Variants in PBRM1 observed in about 807,000 individuals in gnomAD.
PBRM1 encodes the protein protein polybromo-1.
A neutral mutation model predicts 194.5 loss-of-function variants in PBRM1; 27 were observed. That is an observed-to-expected ratio of 0.14 (90% CI 0.10 to 0.19). The LOEUF is 0.19. PBRM1 is among the 10% of genes least tolerant of loss of function. PBRM1 has a pLI of 1.00. For synonymous variants in PBRM1, 655 were observed against 693.2 expected (o/e 0.94, Z 0.87); for missense variants, 1,466 against 2,077.2 (o/e 0.71, Z 5.72).
At chr3:52,681,756 C>CAAGTG, upstream of PBRM1, 1 of 1,016,010 alleles carries the variant, frequency 9.8e-7, no homozygotes, top group Non-Finnish European at 1.2e-6. Flanking sequence ...GTCTGAAAGC[C>CAAGTG]AAGTGAAGCC....
chr3:52,576,750 ATTAATCT>A, intron 21 of PBRM1, 52 bp from the exon 24 acceptor site: 3 of 1,420,468 alleles, frequency 2.1e-6, no homozygotes, highest in Non-Finnish European at 2.9e-6. Context: ...TTCTTGAAGG[ATTAATCT>A]AACAAAAATC....
chr3:52,608,632 CT>C (rs35189714), intron 16 of PBRM1, among the ~76,000 whole-genome samples: 291 of 147,166 alleles, frequency 2.0e-3, no homozygotes, highest in African/African-American at 4.8e-3. Context: ...AGGTTTGTAT[CT>C]TTTTTTTTTT....
chr3:52,626,485 T>C (rs548678591), intron 13 of PBRM1, among the ~76,000 whole-genome samples: 1 of 152,334 alleles, frequency 6.6e-6, no homozygotes, highest in South Asian at 2.1e-4. Flanking sequence ...TTGCTATTAG[T>C]GATTAGCTTA....
chr3:52,623,960 T>G (rs569388229), intron 13 of PBRM1, among the ~76,000 whole-genome samples: 12 of 152,348 alleles, frequency 7.9e-5, no homozygotes, highest in African/African-American at 2.9e-4. Flanking sequence ...AAAACTTTTC[T>G]TTAGGAAAAT....
chr3:52,619,535 T>C, intron 13 of PBRM1, among the ~76,000 whole-genome samples: 1 of 152,248 alleles, frequency 6.6e-6, no homozygotes. Flanking sequence ...GTTGAATCCC[T>C]GGATGTGGAA....
intron 1 of PBRM1, 83 bp downstream of exon 2, chr3:52,679,491 C>T: frequency 7.9e-7 from 1 of 1,268,410 alleles, no homozygotes; most frequent in Non-Finnish European, 1.1e-6. Flanking sequence ...AGATGCCTTG[C>T]ATCGTAACAA....
intron 6 of PBRM1, among the ~76,000 whole-genome samples, chr3:52,650,174 C>T (rs1489884751): frequency 1.3e-5 from 2 of 151,742 alleles, no homozygotes; most frequent in African/African-American, 2.4e-5. Flanking sequence ...ATCAGCCTGG[C>T]CAACATGGTG....
exon 20 of PBRM1, chr3:52,586,457 T>G: frequency 6.2e-7 from 1 of 1,613,864 alleles, no homozygotes; most frequent in Non-Finnish European, 8.5e-7. Flanking sequence ...TCAGCTCGAC[T>G]GTCCTCTGAG....
intron 17 of PBRM1, among the ~76,000 whole-genome samples, chr3:52,600,314 G>GA (rs1387016953): frequency 6.6e-6 from 1 of 152,112 alleles, no homozygotes; most frequent in African/African-American, 2.4e-5. Context: ...GAAAATTTGA[G>GA]AATCTGGTCA....
At position 52,609,501 on chromosome 3, in the gene PBRM1, C is replaced by T. The variant is rs753977692; in HGVS notation, c.2379G>A (p.Gln793=). Residue 793 remains glutamine, a synonymous_variant, in exon 16 of 30, where the codon CAG becomes CAA. Coordinates refer to ENST00000296302, the Ensembl canonical transcript of PBRM1. This position sits in a 1 kb window ranked among gnomAD's most constrained non-coding sequence, Gnocchi z 4.1. Reference sequence around the variant, plus strand: ...CGCTGTAGCATCTTCCCTCATCATCCTGATGACTCATGACTGACACAAAAA... The same window carrying T: ...CGCTGTAGCATCTTCCCTCATCATCTTGATGACTCATGACTGACACAAAAA... 2 of 1,613,328 alleles carry T rather than the reference C, an allele frequency of 1.2e-6. No homozygotes were observed. The highest frequency in any genetic ancestry group is 2.2e-5 in the South Asian group (2 of 91,062).
rs1019237005 is a variant in PBRM1, at chr3:52,676,114, C to CAAAAA, written c.236+2381_236+2385dup. On this transcript the variant is annotated intron_variant, in intron 2 of 29. Coordinates refer to ENST00000296302, the Ensembl canonical transcript of PBRM1. ...TGGGCGACAGAGCGAGACTCCGTCT[C>CAAAAA]AAAAAAAAAAAAAAAAAAAAAAAAA... Among the ~76,000 whole-genome samples, 6 of 5,114 alleles carry CAAAAA rather than the reference C, an allele frequency of 1.2e-3. 1 individual carries two copies. The highest frequency in any genetic ancestry group is 4.6e-3 in the African/African-American group (2 of 432). 3.4% of individuals were successfully genotyped at this position (5,114 alleles called of 152,430 possible).
At chr3:52,611,553 T>C (rs1259030119) in intron 15 of PBRM1, among the ~76,000 whole-genome samples, 1 of 152,054 alleles carries the variant, frequency 6.6e-6, no homozygotes, top group Non-Finnish European at 1.5e-5. Flanking sequence ...CCTGCAATAC[T>C]AGTACTATGG....
intron 16 of PBRM1, among the ~76,000 whole-genome samples, chr3:52,605,447 AGAG>A (rs1207943247): frequency 6.6e-6 from 1 of 152,228 alleles, no homozygotes; most frequent in African/African-American, 2.4e-5. Flanking sequence ...CATTCTGGTC[AGAG>A]GAGTGTGGCC....
At chr3:52,626,667 A>G (rs1358528225) in intron 13 of PBRM1, among the ~76,000 whole-genome samples, 1 of 152,188 alleles carries the variant, frequency 6.6e-6, no homozygotes, top group Non-Finnish European at 1.5e-5. Context: ...ATCTCACAGT[A>G]AGATCCCCTT....
chr3:52,627,036 A>G (rs1459478265), intron 13 of PBRM1, among the ~76,000 whole-genome samples: 1 of 151,896 alleles, frequency 6.6e-6, no homozygotes, highest in African/African-American at 2.4e-5. Context: ...ACGGAATAAC[A>G]TGTTTTGCCA....
At chr3:52,679,885 ACTTC>A (rs2097174054), upstream of PBRM1, among the ~76,000 whole-genome samples, 1 of 149,970 alleles carries the variant, frequency 6.7e-6, no homozygotes. Context: ...TAAGCCCTGG[ACTTC>A]CTTGTTTTAG....
chr3:52,562,959 G>A lies in PBRM1; in HGVS notation c.4086+324C>T, dbSNP rs2084036739. Reference sequence around the variant, plus strand: ...GGTAATAAAAGCTAAAGACAAACAGGGTGATGTTGCTCCTTACTGCTTTTC... The same window carrying A: ...GGTAATAAAAGCTAAAGACAAACAGAGTGATGTTGCTCCTTACTGCTTTTC... On this transcript the variant is annotated intron_variant, in intron 24 of 29. Transcript: ENST00000296302. Among the ~76,000 whole-genome samples, 3 of 151,970 alleles carry A rather than the reference G, an allele frequency of 2.0e-5. No individual in the cohort carries two copies. In the South Asian group the frequency reaches 6.2e-4, roughly 32 times the overall value.
At chr3:52,661,187 G>A (rs913504526) in intron 4 of PBRM1, among the ~76,000 whole-genome samples, 1 of 152,094 alleles carries the variant, frequency 6.6e-6, no homozygotes, top group African/African-American at 2.4e-5. Context: ...CACCTGCCTA[G>A]CTAATTTTTG....
intron 19 of PBRM1, 97 bp downstream of exon 21, chr3:52,587,256 C>CA: frequency 2.1e-6 from 2 of 930,912 alleles, no homozygotes; most frequent in Non-Finnish European, 3.4e-6. Context: ...TAGCTTAAAA[C>CA]AGAGTTCCTA....
Sources: allele counts gnomAD v4.1 joint callset (sites outside exome capture counted in the v4.1 genomes callset), GRCh38; gene constraint gnomAD v4.1.1; non-coding constraint Gnocchi (gnomAD v3.1); transcripts MANE v1.5; gene names NCBI Gene and HGNC (gene_info 2026-07-23, HGNC 2026-07-21).